The following EPHB1 variants were observed in gnomAD, a reference collection of about 807,000 sequenced individuals.
The protein encoded by EPHB1 is ephrin type-B receptor 1.
A neutral mutation model predicts 94.4 loss-of-function variants in EPHB1; 30 were observed. That is an observed-to-expected ratio of 0.32 (90% CI 0.24 to 0.43). The LOEUF (loss-of-function observed/expected upper bound fraction) is 0.43. EPHB1 is among the 20% of genes least tolerant of loss of function. The pLI, the probability that EPHB1 is intolerant of heterozygous loss-of-function variation, is 1.00. For missense variants in EPHB1, 1,055 were observed against 1,308.3 expected (o/e 0.81, Z 2.99); for synonymous variants, 522 against 489.1 (o/e 1.07, Z -0.89).
intron 1 of EPHB1, among the ~76,000 whole-genome samples, chr3:134,827,750 G>A (rs1336358976): frequency 6.6e-6 from 1 of 152,190 alleles, no homozygotes; most frequent in Admixed American, 6.5e-5. Context: ...CACTTTAAAG[G>A]CAGAGACTGA....
At chr3:135,250,270 G>A (rs900767501) in intron 15 of EPHB1, among the ~76,000 whole-genome samples, 1 of 152,130 alleles carries the variant, frequency 6.6e-6, no homozygotes, top group East Asian at 1.9e-4. Context: ...CCATATTTTT[G>A]AGGGGCAGGG....
At chr3:134,970,014 T>G (rs1933905999) in intron 3 of EPHB1, among the ~76,000 whole-genome samples, 1 of 152,258 alleles carries the variant, frequency 6.6e-6, no homozygotes, top group African/African-American at 2.4e-5. Context: ...TAAGTCCTTT[T>G]GTCGAATATG....
At chr3:134,922,899 C>T (rs576439185) in intron 1 of EPHB1, among the ~76,000 whole-genome samples, 6 of 152,328 alleles carry the variant, frequency 3.9e-5, no homozygotes, top group African/African-American at 1.2e-4. Context: ...TTCCCAACTC[C>T]GCCACAAGGA....
intron 1 of EPHB1, 37 bp downstream of exon 1, chr3:134,795,726 G>A (rs1257300277): frequency 1.2e-6 from 2 of 1,603,324 alleles, no homozygotes; most frequent in Non-Finnish European, 1.7e-6. Context: ...GGCTGCTGGT[G>A]CCGGCCGCCT....
chr3:134,958,277 A>G (rs1562508), intron 3 of EPHB1, among the ~76,000 whole-genome samples: 75,566 of 151,926 alleles, frequency 0.5, 19,689 homozygotes, highest in African/African-American at 0.64. Context: ...GAAAAAATAC[A>G]TCTAATTTAG....
chr3:135,006,627 C>T (rs2107746439), intron 3 of EPHB1, among the ~76,000 whole-genome samples: 1 of 152,274 alleles, frequency 6.6e-6, no homozygotes, highest in African/African-American at 2.4e-5. Flanking sequence ...CCCAAAAGTT[C>T]AAGTGCAGTC....
intron 1 of EPHB1, among the ~76,000 whole-genome samples, chr3:134,799,132 T>C (rs1367555833): frequency 6.6e-6 from 1 of 152,236 alleles, no homozygotes; most frequent in Non-Finnish European, 1.5e-5. Flanking sequence ...CTTTGTGGCG[T>C]GCCCCAACGT....
At chr3:135,076,492 G>T (rs1361626522) in intron 3 of EPHB1, among the ~76,000 whole-genome samples, 1 of 152,120 alleles carries the variant, frequency 6.6e-6, no homozygotes. Flanking sequence ...ATACAATACT[G>T]CTGGGAATGT....
intron 1 of EPHB1, among the ~76,000 whole-genome samples, chr3:134,909,120 G>GGGGT (rs1553864851): frequency 3.7e-4 from 41 of 110,628 alleles, no homozygotes; most frequent in African/African-American, 1.4e-3. Flanking sequence ...GGGGGCGGGG[G>GGGGT]GCGGGCTGGA....
In EPHB1 at chr3:134,795,268, C is replaced by A. The variant is rs1253597044; in HGVS notation, c.-364C>A. The A allele has an allele frequency of 5.2e-6, 2 of 381,398 alleles. No homozygotes were observed. The highest frequency in any genetic ancestry group is 9.4e-6 in the Non-Finnish European group (2 of 211,790). The allele number at this position is 381,398 out of a possible 1,614,324, so 23.6% of individuals were successfully genotyped here. A position where few individuals can be genotyped will look rare whatever the true frequency, so the allele number is the denominator to read the frequency against. Reference sequence around the variant, plus strand: ...CCGCTCCCTCCCGCGTCAGTCTGGCCGGCTCCGTCCTCCCGTAGGCTCCGC... The same window carrying A: ...CCGCTCCCTCCCGCGTCAGTCTGGCAGGCTCCGTCCTCCCGTAGGCTCCGC... On this transcript the variant is annotated 5_prime_UTR_variant, in exon 1 of 16. Transcript: ENST00000398015.
chr3:135,202,546 C>G (rs996274155), intron 12 of EPHB1, among the ~76,000 whole-genome samples: 5 of 152,198 alleles, frequency 3.3e-5, no homozygotes, highest in Admixed American at 2.0e-4. Flanking sequence ...CCTTTTGTCT[C>G]CTTACATCCA....
intron 15 of EPHB1, among the ~76,000 whole-genome samples, chr3:135,256,042 C>G (rs1319992904): frequency 6.6e-6 from 1 of 151,474 alleles, no homozygotes; most frequent in African/African-American, 2.4e-5. Context: ...GATTGCAACC[C>G]CTGCCTTCTT....
At chr3:135,094,244 C>T (rs1020261435) in intron 3 of EPHB1, among the ~76,000 whole-genome samples, 1 of 152,246 alleles carries the variant, frequency 6.6e-6, no homozygotes, top group African/African-American at 2.4e-5. Context: ...TCCCACTCCC[C>T]TCCATGCTGA....
intron 3 of EPHB1, among the ~76,000 whole-genome samples, chr3:134,985,012 C>G (rs1034385063): frequency 6.6e-6 from 1 of 152,084 alleles, no homozygotes; most frequent in African/African-American, 2.4e-5. Context: ...TGGACCAGCA[C>G]CCTGATGTAA....
At chr3:134,957,703 C>T (rs1933336819) in intron 3 of EPHB1, among the ~76,000 whole-genome samples, 1 of 152,194 alleles carries the variant, frequency 6.6e-6, no homozygotes, top group Non-Finnish European at 1.5e-5. Context: ...CCAGCACCAG[C>T]TGGGTCCCTA....
chr3:135,049,732 T>C (rs1937112055), intron 3 of EPHB1, among the ~76,000 whole-genome samples: 1 of 152,230 alleles, frequency 6.6e-6, no homozygotes, highest in Non-Finnish European at 1.5e-5. Flanking sequence ...TTTTGATACC[T>C]CTTTATAATA....
At chr3:135,197,873 G>T (rs1342046966) in intron 11 of EPHB1, among the ~76,000 whole-genome samples, 6 of 151,818 alleles carry the variant, frequency 4.0e-5, no homozygotes, top group African/African-American at 1.5e-4. Context: ...ATCTCTGGAA[G>T]TTCTTTTTGG....
chr3:134,812,002 G>C (rs892371963), intron 1 of EPHB1, among the ~76,000 whole-genome samples: 1 of 152,174 alleles, frequency 6.6e-6, no homozygotes, highest in Admixed American at 6.5e-5. Context: ...GCCAGTAGGT[G>C]TGGAAGCATT....
intron 1 of EPHB1, among the ~76,000 whole-genome samples, chr3:134,896,710 C>A (rs1449407946): frequency 6.6e-6 from 1 of 152,226 alleles, no homozygotes; most frequent in Non-Finnish European, 1.5e-5. Context: ...GGATAATTCC[C>A]TGAGGTGCCA....
Sources: allele counts gnomAD v4.1 joint callset (sites outside exome capture counted in the v4.1 genomes callset), GRCh38; gene constraint gnomAD v4.1.1; transcripts MANE v1.5; gene names NCBI Gene and HGNC (gene_info 2026-07-23, HGNC 2026-07-21).